The following CSMD1 variants were observed in gnomAD, a reference collection of about 807,000 sequenced individuals.
The protein encoded by CSMD1 is CUB and Sushi multiple domains 1.
CSMD1 carries 213 observed loss-of-function variants against 417.5 expected under a neutral mutation model. That is an observed-to-expected ratio of 0.51 (90% CI 0.46 to 0.57). The LOEUF (loss-of-function observed/expected upper bound fraction) is 0.57, where lower values mean the gene tolerates loss of function less well. CSMD1 is among the 20% of genes least tolerant of loss of function. The pLI is 0.00. For missense variants in CSMD1, 6,923 were observed against 4,529.7 expected, an observed-to-expected ratio of 1.53 and a Z score of -15.17; for synonymous variants, 2,862 against 1,736.8, an observed-to-expected ratio of 1.65 and a Z score of -16.11.
chr8:3,102,287 C>G (rs548244469), intron 46 of CSMD1, among the ~76,000 whole-genome samples: 4 of 152,230 alleles, frequency 2.6e-5, no homozygotes, highest in Admixed American at 1.3e-4. Context: ...CATCTAGGGT[C>G]TTATTTCCTG....
At position 3,085,774 on chromosome 8, in the gene CSMD1, C is replaced by A. The variant is rs1326796559; in HGVS notation, c.7474+1323G>T. On this transcript the variant is annotated intron_variant, in intron 49 of 69. Coordinates refer to ENST00000635120, the MANE Select transcript of CSMD1 (RefSeq NM_033225.6). ...ACTGAAAGGGTAAGCCATGTCTCCA[C>A]CTCATAATCCGTTTCCAGAACTCCT... 2.0e-5 allele frequency among the ~76,000 whole-genome samples: 3 copies of A among 152,202 alleles called. No homozygotes were observed. In the East Asian group the frequency reaches 5.8e-4, roughly 29 times the overall value.
At position 3,181,254 on chromosome 8, in the gene CSMD1, T is replaced by C. The variant is rs775241300; in HGVS notation, c.5621-40A>G. ...GCAGATAGAATTGTAACACTACAAA[T>C]ACATTCACTTTTCTAAATATAAAAC... On this transcript the variant is annotated intron_variant, in intron 36 of 69. Transcript: ENST00000635120. The C allele has an allele frequency of 5.4e-6, 7 of 1,306,414 alleles. No homozygotes were observed. In the South Asian group the frequency reaches 7.5e-5, roughly 14 times the overall value. The allele number at this position is 1,306,414 out of a possible 1,614,324, so 80.9% of individuals were successfully genotyped here. A position where few individuals can be genotyped will look rare whatever the true frequency, so the allele number is the denominator to read the frequency against.
intron 2 of CSMD1, among the ~76,000 whole-genome samples, chr8:4,445,175 CCT>C (rs1491471001): frequency 2.6e-5 from 4 of 152,046 alleles, no homozygotes; most frequent in Non-Finnish European, 5.9e-5. Flanking sequence ...GAATCTGACA[CCT>C]TTTTTTTAAT....
chr8:4,542,179 G>C (rs1325723847), intron 2 of CSMD1, among the ~76,000 whole-genome samples: 1 of 152,126 alleles, frequency 6.6e-6, no homozygotes, highest in Non-Finnish European at 1.5e-5. Context: ...TTAGTTCTAA[G>C]TCTTCCTCAA....
chr8:4,733,134 T>C (rs1053104400), intron 1 of CSMD1, among the ~76,000 whole-genome samples: 1 of 152,234 alleles, frequency 6.6e-6, no homozygotes, highest in African/African-American at 2.4e-5. Context: ...CATTCCTTCA[T>C]TTCCTTCATT....
At chr8:4,651,007 C>A (rs1450920602) in intron 1 of CSMD1, among the ~76,000 whole-genome samples, 1 of 152,098 alleles carries the variant, frequency 6.6e-6, no homozygotes, top group African/African-American at 2.4e-5. Context: ...GACTTAGAGA[C>A]AAGGGACCAT....
intron 3 of CSMD1, among the ~76,000 whole-genome samples, chr8:4,126,642 G>A (rs150403236): frequency 4.6e-5 from 7 of 152,144 alleles, no homozygotes; most frequent in Admixed American, 1.3e-4. Context: ...TTCTGTATTT[G>A]GTTTTCTTCT....
chr8:4,512,467 G>C (rs546942590), intron 2 of CSMD1, among the ~76,000 whole-genome samples: 8 of 151,642 alleles, frequency 5.3e-5, no homozygotes, highest in African/African-American at 9.8e-5. Flanking sequence ...AATACAGATA[G>C]AGAAGGAAGA....
chr8:4,099,152 C>A (rs1001725233), intron 3 of CSMD1, among the ~76,000 whole-genome samples: 1 of 151,588 alleles, frequency 6.6e-6, no homozygotes, highest in Non-Finnish European at 1.5e-5. Flanking sequence ...AGGCCCCAAC[C>A]ATGCATATGT....
intron 2 of CSMD1, among the ~76,000 whole-genome samples, chr8:4,616,934 T>G (rs1007944050): frequency 6.7e-6 from 1 of 149,022 alleles, no homozygotes; most frequent in Non-Finnish European, 1.5e-5. Flanking sequence ...CTAATTCTGA[T>G]TGTATTGTCT....
At chr8:4,301,860 G>C (rs1797997577) in intron 3 of CSMD1, among the ~76,000 whole-genome samples, 1 of 132,708 alleles carries the variant, frequency 7.5e-6, no homozygotes, top group East Asian at 2.3e-4. Context: ...CCATTCTTCT[G>C]CCCAAGCTTC....
intron 3 of CSMD1, among the ~76,000 whole-genome samples, chr8:4,109,831 C>A (rs899480517): frequency 5.3e-5 from 8 of 152,202 alleles, no homozygotes; most frequent in Non-Finnish European, 8.8e-5. Flanking sequence ...ATACTTAAAA[C>A]AGAGTAAGAT....
chr8:4,681,674 C>T (rs573592433), intron 1 of CSMD1, among the ~76,000 whole-genome samples: 1 of 152,096 alleles, frequency 6.6e-6, no homozygotes, highest in South Asian at 2.1e-4. Context: ...ATACATCCCC[C>T]CTTTTCCTCA....
chr8:4,990,007 T>C (rs758241043), intron 1 of CSMD1, among the ~76,000 whole-genome samples: 17 of 152,190 alleles, frequency 1.1e-4, no homozygotes, highest in Non-Finnish European at 2.9e-5. Context: ...CCAAGCATGA[T>C]TGGCCAGCTG....
chr8:4,829,285 C>T (rs530980820), intron 1 of CSMD1, among the ~76,000 whole-genome samples: 2 of 152,130 alleles, frequency 1.3e-5, no homozygotes, highest in Non-Finnish European at 2.9e-5. Flanking sequence ...AATATTTAGT[C>T]ATAAGCTTTA....
intron 21 of CSMD1, among the ~76,000 whole-genome samples, chr8:3,352,733 G>T (rs955985741): frequency 2.6e-5 from 4 of 152,134 alleles, no homozygotes; most frequent in Admixed American, 2.0e-4. Context: ...CCACCTAATT[G>T]GGAGGCTGAG....
At chr8:3,141,692 T>C (rs77089444) in intron 41 of CSMD1, among the ~76,000 whole-genome samples, 13,205 of 152,042 alleles carry the variant, frequency 0.087, 1,941 homozygotes, top group African/African-American at 0.3. Context: ...GCCATCGCAC[T>C]CGGGAACAGC....
At chr8:3,305,705 A>G (rs951558768) in intron 25 of CSMD1, among the ~76,000 whole-genome samples, 1 of 152,186 alleles carries the variant, frequency 6.6e-6, no homozygotes, top group African/African-American at 2.4e-5. Flanking sequence ...TTCTTGAGAC[A>G]CAGTCTCACT....
rs6994640 is a variant in CSMD1, at chr8:4,045,216, C to T, written c.416-13117G>A. Among the ~76,000 whole-genome samples, 217 of 152,232 alleles carry T rather than the reference C, an allele frequency of 1.4e-3. 1 individual carries two copies. The highest frequency in any genetic ancestry group is 4.8e-3 in the African/African-American group (201 of 41,554). ...ATCTCTGAGGAACCCACAATGTGGG[C>T]GACAGTTGTCCCATTAATGAGCTTA... On this transcript the variant is annotated intron_variant, in intron 3 of 69. Coordinates refer to ENST00000635120, the MANE Select transcript of CSMD1 (RefSeq NM_033225.6).
Sources: gnomAD v4.1 joint callset for allele counts (sites outside exome capture counted in the v4.1 genomes callset) on GRCh38, gnomAD v4.1.1 for gene constraint, MANE v1.5 for transcripts, NCBI Gene and HGNC (gene_info 2026-07-23, HGNC 2026-07-21) for gene names.